The following CAST variants were observed in gnomAD, a reference collection of about 807,000 sequenced individuals.
CAST encodes the protein calpastatin.
Under a neutral mutation model 119.6 loss-of-function variants are expected in CAST, and 76 were observed. That is an observed-to-expected ratio of 0.64 (90% confidence interval 0.53 to 0.77). The LOEUF is 0.77. CAST is among the 30% of genes least tolerant of loss of function. The pLI is 0.00. For synonymous variants in CAST, 319 were observed against 331.6 expected, an observed-to-expected ratio of 0.96 and a Z score of 0.41; for missense variants, 953 against 946.5, an observed-to-expected ratio of 1.01 and a Z score of -0.09.
At chr5:96,340,478 A>T in the CAST span, among the ~76,000 whole-genome samples, 1 of 151,694 alleles carries the variant, frequency 6.6e-6, no homozygotes, top group Non-Finnish European at 1.5e-5. Flanking sequence ...CTTGGCTTTG[A>T]ATCTTTGGAA....
chr5:96,272,464 CA>C, the CAST span, among the ~76,000 whole-genome samples: 3 of 152,054 alleles, frequency 2.0e-5, no homozygotes, highest in Non-Finnish European at 4.4e-5. Flanking sequence ...CAGCAAGCAA[CA>C]TGGGAACTGG....
chr5:96,021,667 T>A, the CAST span, among the ~76,000 whole-genome samples: 4 of 151,940 alleles, frequency 2.6e-5, no homozygotes, highest in South Asian at 2.1e-4. Context: ...AGGATGGTCT[T>A]TATCTCCTGA....
Position 96,767,530 on chromosome 5 carries a change from C to G in CAST, c.2175+48C>G, listed in dbSNP as rs753599263. On this transcript the variant is annotated intron_variant, in intron 28 of 31. Transcript: ENST00000675179. ...TCCATTAAATTTTGTTTTATTCTAGCCATAGGGGTATTTGGCATTTTAGAA... is the reference window on the plus strand; with the variant it reads ...TCCATTAAATTTTGTTTTATTCTAGGCATAGGGGTATTTGGCATTTTAGAA... 20 of 1,447,532 alleles carry G rather than the reference C, an allele frequency of 1.4e-5. No individual in the cohort carries two copies. The Admixed American group carries it at 3.4e-4, about 25-fold the overall frequency. The allele number at this position is 1,447,532 out of a possible 1,614,324, so 89.7% of individuals were successfully genotyped here. A position where few individuals can be genotyped will look rare whatever the true frequency, so the allele number is the denominator to read the frequency against.
intron 2 of CAST, among the ~76,000 whole-genome samples, chr5:96,691,293 C>G (rs1752699456): frequency 6.6e-6 from 1 of 152,166 alleles, no homozygotes; most frequent in East Asian, 1.9e-4. Flanking sequence ...ATCGCATACT[C>G]TAAAAGCTGA....
the CAST span, among the ~76,000 whole-genome samples, chr5:96,086,510 A>C: frequency 2.1e-3 from 321 of 152,374 alleles, 1 homozygote; most frequent in Middle Eastern, 0.014. Context: ...AAACTACCTC[A>C]GATCACTTTT....
the CAST span, among the ~76,000 whole-genome samples, chr5:96,271,026 A>G: frequency 1.6e-4 from 24 of 152,204 alleles, no homozygotes; most frequent in Non-Finnish European, 2.9e-4. Flanking sequence ...AAGCAACCCC[A>G]TTTACAATAT....
the CAST span, among the ~76,000 whole-genome samples, chr5:96,227,319 A>G: frequency 1.3e-5 from 2 of 152,172 alleles, no homozygotes; most frequent in African/African-American, 2.4e-5. Context: ...GCTTTTTTCA[A>G]TAGAATTATT....
At chr5:96,540,471 T>A (rs914593821) in intron 1 of CAST, among the ~76,000 whole-genome samples, 1 of 152,182 alleles carries the variant, frequency 6.6e-6, no homozygotes, top group Non-Finnish European at 1.5e-5. Flanking sequence ...TTTAGATTTA[T>A]AGAAAAAATA....
the CAST span, among the ~76,000 whole-genome samples, chr5:96,511,742 T>C: frequency 6.6e-6 from 1 of 152,356 alleles, no homozygotes; most frequent in South Asian, 2.1e-4. Context: ...TGGGCTTCTC[T>C]GAGAAGCATG....
the CAST span, chr5:96,318,502 T>C: frequency 6.6e-6 from 1 of 152,258 alleles, no homozygotes; most frequent in Admixed American, 6.5e-5. Flanking sequence ...ATAGTCTTCA[T>C]ATACTTCAGC....
At chr5:96,294,402 T>C in the CAST span, among the ~76,000 whole-genome samples, 1 of 152,368 alleles carries the variant, frequency 6.6e-6, no homozygotes, top group East Asian at 1.9e-4. Context: ...TGGAATCCTA[T>C]GAACCCTATG....
chr5:96,497,440 A>T, the CAST span, among the ~76,000 whole-genome samples: 1 of 152,084 alleles, frequency 6.6e-6, no homozygotes, highest in African/African-American at 2.4e-5. Context: ...CGCCACACTG[A>T]CTTCCACAAT....
At chr5:96,214,952 G>A in the CAST span, 1 of 152,186 alleles carries the variant, frequency 6.6e-6, no homozygotes, top group East Asian at 1.9e-4. Context: ...TCTTGGTAAA[G>A]CCTTCTAAAA....
At chr5:96,463,811 TC>T in the CAST span, among the ~76,000 whole-genome samples, 26 of 152,162 alleles carry the variant, frequency 1.7e-4, no homozygotes, top group African/African-American at 5.5e-4. Flanking sequence ...CTCCTTCTCT[TC>T]CCCTTTATCT....
chr5:96,054,009 A>G, the CAST span, among the ~76,000 whole-genome samples: 87 of 152,192 alleles, frequency 5.7e-4, no homozygotes, highest in Non-Finnish European at 1.1e-3. Flanking sequence ...TATTCTTAAT[A>G]TGTGTTGACG....
At chr5:96,595,865 T>C (rs959473874) in intron 1 of CAST, among the ~76,000 whole-genome samples, 8 of 152,168 alleles carry the variant, frequency 5.3e-5, no homozygotes, top group African/African-American at 1.9e-4. Flanking sequence ...ATTTAAGTAC[T>C]ATGAGAAGTC....
At chr5:96,483,365 G>A in the CAST span, among the ~76,000 whole-genome samples, 2 of 152,174 alleles carry the variant, frequency 1.3e-5, no homozygotes, top group African/African-American at 4.8e-5. Context: ...ATGTGTATCG[G>A]TCATGCACTT....
the CAST span, among the ~76,000 whole-genome samples, chr5:96,109,699 G>A: frequency 6.6e-6 from 1 of 152,184 alleles, no homozygotes; most frequent in East Asian, 1.9e-4. Context: ...CACCTGTGTG[G>A]CAAAGTTGTC....
the CAST span, among the ~76,000 whole-genome samples, chr5:96,475,579 G>C: frequency 6.6e-6 from 1 of 152,194 alleles, no homozygotes; most frequent in Non-Finnish European, 1.5e-5. Context: ...CCCTGGTGTT[G>C]TCAGGTAAAA....
Sources: gnomAD v4.1 joint callset for allele counts (sites outside exome capture counted in the v4.1 genomes callset) on GRCh38, gnomAD v4.1.1 for gene constraint, MANE v1.5 for transcripts, NCBI Gene and HGNC (gene_info 2026-07-23, HGNC 2026-07-21) for gene names.